The following EFCAB14 variants were observed in gnomAD, a reference collection of about 807,000 sequenced individuals.
The protein encoded by EFCAB14 is EF-hand calcium binding domain 14, also known as EF-hand calcium-binding domain-containing protein 14.
EFCAB14 carries 43 observed loss-of-function variants against 56.5 expected under a neutral mutation model. That is an observed-to-expected ratio of 0.76 (90% CI 0.60 to 0.98). EFCAB14 has a LOEUF of 0.98. Ranked by LOEUF, EFCAB14 falls within the 50% of genes least tolerant of loss-of-function variation. The pLI, the probability that EFCAB14 is intolerant of heterozygous loss-of-function variation, is 0.00. For missense variants in EFCAB14, 538 were observed against 580.3 expected (o/e 0.93, Z 0.75); for synonymous variants, 235 against 212.9 (o/e 1.10, Z -0.90).
At position 46,717,465 on chromosome 1, in the gene EFCAB14, A is replaced by G. The variant is rs115142062; in HGVS notation, c.185+438T>C. On this transcript the variant is annotated intron_variant, in intron 1 of 10. Transcript: ENST00000371933. ...TCTCAAGGCTCATACTTCCTACAGTATATCTCTCACCATATTTCCCCACCA... is the reference window on the plus strand; with the variant it reads ...TCTCAAGGCTCATACTTCCTACAGTGTATCTCTCACCATATTTCCCCACCA... Among the ~76,000 whole-genome samples the G allele has an allele frequency of 7.8e-3, 1,186 of 152,242 alleles. 13 individuals are homozygous for G. The highest frequency in any genetic ancestry group is 0.027 in the African/African-American group (1,121 of 41,536).
At chr1:46,681,836 C>T (rs1195682122) in intron 10 of EFCAB14, among the ~76,000 whole-genome samples, 3 of 152,094 alleles carry the variant, frequency 2.0e-5, no homozygotes, top group Admixed American at 6.5e-5. Flanking sequence ...GTTAAGACTG[C>T]TATTCCTTAC....
intron 5 of EFCAB14, 103 bp from the exon 6 acceptor site, chr1:46,689,794 C>G: frequency 1.1e-6 from 1 of 942,842 alleles, no homozygotes; most frequent in Admixed American, 1.9e-5. Context: ...CAGAATGCAT[C>G]CACAGATTAA....
chr1:46,706,270 T>C (rs889492741), intron 3 of EFCAB14, among the ~76,000 whole-genome samples: 6 of 152,242 alleles, frequency 3.9e-5, no homozygotes, highest in African/African-American at 1.4e-4. Context: ...CATTGAGATT[T>C]ACTGTATCTG....
At chr1:46,683,600 T>C (rs914251792) in intron 9 of EFCAB14, among the ~76,000 whole-genome samples, 175 bp from the exon 10 acceptor site, 7 of 152,220 alleles carry the variant, frequency 4.6e-5, no homozygotes, top group Non-Finnish European at 8.8e-5. Flanking sequence ...GACATATTTG[T>C]GGGCAAGGGA....
chr1:46,683,370 A>G lies in EFCAB14; in HGVS notation c.1242T>C (p.Phe414=), dbSNP rs1477032343. The change falls in exon 10 of 11, where the codon TTT becomes TTC. Residue 414 remains phenylalanine (F), a synonymous_variant. Coordinates refer to ENST00000371933, the MANE Select transcript of EFCAB14 (RefSeq NM_014774.3). ...CAGCTTTCTCAACTGGGTCTCCAAG[A>G]AACTGTGAAAATTTTGGCAATGCTG... ...KPSALPKFSQ[F]LGDPVEKAAQ... is the part of the protein sequence containing the mutation. 6.2e-7 allele frequency: 1 copy of G among 1,614,122 alleles called. No individual in the cohort carries two copies. Among genetic ancestry groups the G allele is most frequent in the Non-Finnish European group, 8.5e-7 (1 of 1,179,980 alleles).
chr1:46,709,187 A>T (rs1677273778), intron 2 of EFCAB14, among the ~76,000 whole-genome samples: 1 of 152,220 alleles, frequency 6.6e-6, no homozygotes, highest in Non-Finnish European at 1.5e-5. Context: ...TTAAGCACTC[A>T]ATCAATATTT....
chr1:46,700,755 A>G (rs890108052), intron 3 of EFCAB14, among the ~76,000 whole-genome samples: 6 of 152,236 alleles, frequency 3.9e-5, no homozygotes, highest in African/African-American at 1.4e-4. Flanking sequence ...ACTAGAAACA[A>G]TTTAAATGTA....
chr1:46,683,196 C>A lies in EFCAB14; in HGVS notation c.1312+104G>T. 3.0e-6 allele frequency: 4 copies of A among 1,337,076 alleles called. No individual in the cohort carries two copies. In the South Asian group the frequency reaches 5.6e-5, roughly 19 times the overall value. 82.8% of individuals were successfully genotyped at this position (1,337,076 alleles called of 1,614,324 possible). A position where few individuals can be genotyped will look rare whatever the true frequency, so the allele number is the denominator to read the frequency against. On this transcript the variant is annotated intron_variant, in intron 10 of 10. Transcript: ENST00000371933. ...TAAAGTATCTGGCACTTGATATCTC[C>A]TCAATAAATGTTAGATCATATATAT...
intron 3 of EFCAB14, among the ~76,000 whole-genome samples, chr1:46,697,785 G>T (rs1419750863): frequency 1.3e-5 from 2 of 151,160 alleles, no homozygotes; most frequent in Non-Finnish European, 2.9e-5. Context: ...AAAGGTGACA[G>T]AAAAACAAAG....
In EFCAB14 at chr1:46,705,701, C is replaced by T. The variant is rs559009228; in HGVS notation, c.480+2205G>A. On this transcript the variant is annotated intron_variant, in intron 3 of 10. Transcript: ENST00000371933. ...TCTGGCCACTCATGACCCGATCCTGCGCTGAAATAAACGGATAAATATTTT... is the reference window on the plus strand; with the variant it reads ...TCTGGCCACTCATGACCCGATCCTGTGCTGAAATAAACGGATAAATATTTT... Among the ~76,000 whole-genome samples, 15 of 152,188 alleles carry T rather than the reference C, an allele frequency of 9.9e-5. 1 individual carries two copies. In the South Asian group the frequency reaches 2.7e-3, roughly 27 times the overall value.
intron 3 of EFCAB14, among the ~76,000 whole-genome samples, chr1:46,705,694 G>A (rs1318535592): frequency 2.6e-5 from 4 of 152,076 alleles, no homozygotes; most frequent in South Asian, 2.1e-4. Context: ...CTCATGACCC[G>A]ATCCTGCGCT....
chr1:46,708,155 G>T, intron 2 of EFCAB14, 104 bp from the exon 3 acceptor site: 1 of 1,106,730 alleles, frequency 9.0e-7, no homozygotes, highest in Non-Finnish European at 1.2e-6. Context: ...ATTAATAAAA[G>T]TTAATTCTGA....
intron 10 of EFCAB14, among the ~76,000 whole-genome samples, chr1:46,681,267 A>T (rs1676789946): frequency 6.6e-6 from 1 of 152,200 alleles, no homozygotes; most frequent in South Asian, 2.1e-4. Context: ...CCGTATATAC[A>T]TAACATTTAA....
At chr1:46,681,478 T>A (rs1676793837) in intron 10 of EFCAB14, among the ~76,000 whole-genome samples, 1 of 152,162 alleles carries the variant, frequency 6.6e-6, no homozygotes, top group Non-Finnish European at 1.5e-5. Context: ...GGAAAACAGT[T>A]GCAGTGCAAG....
Position 46,716,443 on chromosome 1 carries a change from C to G in EFCAB14, c.186G>C (p.Lys62Asn). Residue 62 changes from lysine to asparagine, a missense_variant and splice_region_variant, in exon 2 of 11, where the codon AAG becomes AAC. Physicochemically the swap from Lys to Asn is moderately conservative, Grantham distance 94. Transcript: ENST00000371933. ...GVVGNRSRFA[K>N]GDYLRCCKIC... ...TCTTGCAGCATCGTAAATAGTCTCC[C>G]CTGCTCAAGAGGACAAATTCAACCA... The G allele has an allele frequency of 6.2e-7, 1 of 1,613,814 alleles. No individual in the cohort carries two copies. The highest frequency in any genetic ancestry group is 8.5e-7 in the Non-Finnish European group (1 of 1,179,940).
chr1:46,716,990 G>C (rs1186449891), intron 1 of EFCAB14, among the ~76,000 whole-genome samples: 2 of 152,164 alleles, frequency 1.3e-5, no homozygotes, highest in African/African-American at 4.8e-5. Flanking sequence ...GAAGGGGCTG[G>C]ATTTCACACA....
chr1:46,716,573 C>A (rs563607482), intron 1 of EFCAB14, 130 bp from the exon 2 acceptor site: 108 of 1,004,150 alleles, frequency 1.1e-4, no homozygotes, highest in Admixed American at 2.6e-4. Flanking sequence ...CCAGGGGAGG[C>A]AGGGTAAAGC....
chr1:46,684,545 T>C lies in EFCAB14; in HGVS notation c.1132A>G (p.Ser378Gly), dbSNP rs759848365. Residue 378 changes from serine (S) to glycine (G), a missense_variant, in exon 9 of 11, where the codon AGT becomes GGT. Transcript: ENST00000371933. ...SKLREKLQLI[S>G]ALTNKPESNR... ...CTCTCAGGTTTGTTTGTAAGAGCAC[T>C]GATCAGCTGGAGTTTCTCTCTTAGC... The C allele has an allele frequency of 2.7e-5, 43 of 1,614,050 alleles. No homozygotes were observed. The Middle Eastern group carries it at 9.9e-4, about 37-fold the overall frequency.
At chr1:46,708,878 G>A (rs185051528) in intron 2 of EFCAB14, among the ~76,000 whole-genome samples, 36 of 151,798 alleles carry the variant, frequency 2.4e-4, no homozygotes, top group African/African-American at 8.7e-4. Context: ...TCTTTAAAGA[G>A]CATTTTCCCT....
Sources: gnomAD v4.1 joint callset for allele counts (sites outside exome capture counted in the v4.1 genomes callset) on GRCh38, gnomAD v4.1.1 for gene constraint, MANE v1.5 for transcripts, NCBI Gene and HGNC (gene_info 2026-07-23, HGNC 2026-07-21) for gene names.